The following PSMA1 variants were observed in gnomAD, a reference collection of about 807,000 sequenced individuals.
PSMA1 encodes proteasome 20S subunit alpha 1.
Under a neutral mutation model 38.4 loss-of-function variants are expected in PSMA1, and 3 were observed. That is an observed-to-expected ratio of 0.08 (90% confidence interval 0.04 to 0.20). The LOEUF (loss-of-function observed/expected upper bound fraction) is 0.20, where lower values mean the gene tolerates loss of function less well. PSMA1 is among the 10% of genes least tolerant of loss of function. PSMA1 has a pLI of 1.00. For synonymous variants in PSMA1, 101 were observed against 107.1 expected, an observed-to-expected ratio of 0.94 and a Z score of 0.35; for missense variants, 227 against 325.3, an observed-to-expected ratio of 0.70 and a Z score of 2.32.
intron 2 of PSMA1, among the ~76,000 whole-genome samples, chr11:14,530,530 G>T (rs532187370): frequency 2.6e-5 from 4 of 152,238 alleles, no homozygotes; most frequent in African/African-American, 9.6e-5. Flanking sequence ...ATCAGGAGCC[G>T]CTGGAGGATA....
intron 1 of PSMA1, among the ~76,000 whole-genome samples, chr11:14,631,025 T>A (rs1199809625): frequency 1.3e-5 from 2 of 152,212 alleles, no homozygotes; most frequent in Non-Finnish European, 2.9e-5. Flanking sequence ...CCTTTATCAT[T>A]TTTTATTGCG....
chr11:14,539,868 A>G (rs1851752390), intron 2 of PSMA1, among the ~76,000 whole-genome samples: 1 of 151,850 alleles, frequency 6.6e-6, no homozygotes, highest in Non-Finnish European at 1.5e-5. Flanking sequence ...AACAAAGAAA[A>G]AAAAAACAAC....
intron 1 of PSMA1, among the ~76,000 whole-genome samples, chr11:14,634,609 T>C (rs1196873363): frequency 6.6e-6 from 1 of 152,028 alleles, no homozygotes; most frequent in Non-Finnish European, 1.5e-5. Flanking sequence ...CCTTCTGAAG[T>C]GTGGGATTAC....
chr11:14,583,060 T>G (rs1464831314), intron 2 of PSMA1, among the ~76,000 whole-genome samples: 1 of 152,188 alleles, frequency 6.6e-6, no homozygotes, highest in Admixed American at 6.5e-5. Flanking sequence ...CATGTTTTAT[T>G]TGGCACTGAT....
chr11:14,606,683 A>G (rs146103689), intron 2 of PSMA1, among the ~76,000 whole-genome samples: 2 of 152,348 alleles, frequency 1.3e-5, no homozygotes, highest in African/African-American at 4.8e-5. Context: ...CAGAGAGGCT[A>G]AGGACTTTTT....
At chr11:14,602,134 G>C (rs1472632423) in intron 2 of PSMA1, among the ~76,000 whole-genome samples, 1 of 152,088 alleles carries the variant, frequency 6.6e-6, no homozygotes, top group African/African-American at 2.4e-5. Context: ...CTATTTTTTA[G>C]ATCCCTCCCA....
At chr11:14,514,315 T>C in intron 5 of PSMA1, 88 bp downstream of exon 5, 1 of 1,442,858 alleles carries the variant, frequency 6.9e-7, no homozygotes, top group Non-Finnish European at 9.1e-7. Flanking sequence ...CTTACCTATG[T>C]CATATTATTA....
intron 2 of PSMA1, among the ~76,000 whole-genome samples, chr11:14,590,276 GC>G (rs1392203101): frequency 6.6e-6 from 1 of 152,186 alleles, no homozygotes; most frequent in Admixed American, 6.5e-5. Flanking sequence ...GTGATGGCTT[GC>G]ACCACAATGT....
intron 2 of PSMA1, among the ~76,000 whole-genome samples, chr11:14,545,551 G>C (rs1851817069): frequency 6.6e-6 from 1 of 152,192 alleles, no homozygotes; most frequent in Non-Finnish European, 1.5e-5. Context: ...TTAGAAGTGA[G>C]AACATGCGGT....
intron 1 of PSMA1, among the ~76,000 whole-genome samples, chr11:14,631,394 T>C (rs1853008275): frequency 6.6e-6 from 1 of 152,144 alleles, no homozygotes; most frequent in Non-Finnish European, 1.5e-5. Flanking sequence ...TCAAAGAACA[T>C]CTTTATTTCT....
intron 2 of PSMA1, among the ~76,000 whole-genome samples, chr11:14,554,825 T>C (rs1272855496): frequency 2.0e-5 from 3 of 152,230 alleles, no homozygotes; most frequent in African/African-American, 7.2e-5. Flanking sequence ...CAAAATTCTA[T>C]GAGATGGTAT....
At chr11:14,602,603 C>G (rs1449712746) in intron 2 of PSMA1, among the ~76,000 whole-genome samples, 2 of 152,004 alleles carry the variant, frequency 1.3e-5, no homozygotes, top group Non-Finnish European at 2.9e-5. Flanking sequence ...AAGTCATGCT[C>G]ATAATCTTGG....
In PSMA1 at chr11:14,560,778, G is replaced by A. The variant is rs578078181; in HGVS notation, c.22-41737C>T. ...GGAAGATATCACTCTATCTTTGCAGGGTATCACCTATAAAGTAGCACCTCA... is the reference window on the plus strand; with the variant it reads ...GGAAGATATCACTCTATCTTTGCAGAGTATCACCTATAAAGTAGCACCTCA... On this transcript the variant is annotated intron_variant, in intron 2 of 10. Transcript: ENST00000418988. Among the ~76,000 whole-genome samples, 11 of 152,156 alleles carry A rather than the reference G, an allele frequency of 7.2e-5. No homozygotes were observed. In the South Asian group the frequency reaches 1.9e-3, roughly 26 times the overall value.
Position 14,517,058 on chromosome 11 carries a change from C to T in PSMA1, c.254+584G>A, listed in dbSNP as rs1851441609. Among the ~76,000 whole-genome samples, 3 of 152,194 alleles carry T rather than the reference C, an allele frequency of 2.0e-5. No individual in the cohort carries two copies. The South Asian group carries it at 6.2e-4, about 32-fold the overall frequency. Reference sequence around the variant, plus strand: ...GAACTCAATATGTGCAATTTCAAAGCCCTATCTCTTCATTTATGTATTGCC... The same window carrying T: ...GAACTCAATATGTGCAATTTCAAAGTCCTATCTCTTCATTTATGTATTGCC... On this transcript the variant is annotated intron_variant, in intron 4 of 9. Coordinates refer to ENST00000396394, the MANE Select transcript of PSMA1 (RefSeq NM_002786.4).
At chr11:14,600,994 G>A (rs1852574260) in intron 2 of PSMA1, among the ~76,000 whole-genome samples, 2 of 152,146 alleles carry the variant, frequency 1.3e-5, no homozygotes, top group South Asian at 4.1e-4. Context: ...TATCTTGGAA[G>A]CACTGTTAAA....
intron 1 of PSMA1, among the ~76,000 whole-genome samples, chr11:14,615,960 T>C (rs1349243777): frequency 1.3e-5 from 2 of 152,112 alleles, no homozygotes; most frequent in African/African-American, 4.8e-5. Context: ...AATGTGCAGA[T>C]AACCTGAGGG....
At chr11:14,531,539 C>G (rs970355402) in intron 2 of PSMA1, among the ~76,000 whole-genome samples, 3 of 152,084 alleles carry the variant, frequency 2.0e-5, no homozygotes, top group Admixed American at 2.0e-4. Context: ...CTTAGCTCAC[C>G]GTAGCCTCGA....
At chr11:14,515,367 C>T (rs775602746) in intron 4 of PSMA1, among the ~76,000 whole-genome samples, 7 of 152,086 alleles carry the variant, frequency 4.6e-5, no homozygotes, top group East Asian at 1.9e-4. Flanking sequence ...TACCTAAAAA[C>T]GTGCAATAAC....
At chr11:14,550,667 A>G (rs1488739556) in intron 2 of PSMA1, among the ~76,000 whole-genome samples, 1 of 152,146 alleles carries the variant, frequency 6.6e-6, no homozygotes, top group Admixed American at 6.5e-5. Flanking sequence ...CCAGATAACT[A>G]ATTAGAGTTT....
Sources: gnomAD v4.1 joint callset for allele counts (sites outside exome capture counted in the v4.1 genomes callset) on GRCh38, gnomAD v4.1.1 for gene constraint, MANE v1.5 for transcripts, NCBI Gene and HGNC (gene_info 2026-07-23, HGNC 2026-07-21) for gene names.